HTR7: variants seen among roughly 807,000 people sequenced by gnomAD.
The protein encoded by HTR7 is 5-HT-7.
HTR7 carries 16 observed loss-of-function variants against 34.0 expected under a neutral mutation model. The observed-to-expected ratio is 0.47, with a 90% CI of 0.32 to 0.71. HTR7 has a LOEUF of 0.71. Among genes scored for constraint, HTR7 ranks in the 30% least tolerant of loss-of-function variants. The pLI is 0.04. For synonymous variants in HTR7, 265 were observed against 260.2 expected, an observed-to-expected ratio of 1.02 and a Z score of -0.18; for missense variants, 504 against 625.5, an observed-to-expected ratio of 0.81 and a Z score of 2.07.
At chr10:90,777,758 G>T (rs1287350627) in intron 1 of HTR7, among the ~76,000 whole-genome samples, 1 of 152,212 alleles carries the variant, frequency 6.6e-6, no homozygotes, top group Middle Eastern at 3.2e-3. Context: ...ACCAGCAGTT[G>T]TGAACAATGA....
chr10:90,776,178 G>T (rs1347735797), intron 1 of HTR7, among the ~76,000 whole-genome samples: 2 of 152,138 alleles, frequency 1.3e-5, no homozygotes, highest in East Asian at 1.9e-4. Context: ...AGACAATAGG[G>T]TCTACCTGCT....
At chr10:90,787,874 G>T (rs1320046852) in intron 1 of HTR7, among the ~76,000 whole-genome samples, 2 of 151,822 alleles carry the variant, frequency 1.3e-5, no homozygotes, top group Non-Finnish European at 2.9e-5. Context: ...CCTCTCTTAT[G>T]ACCTCTTCCG....
Position 90,749,016 on chromosome 10 carries a change from C to G in HTR7, c.1118G>C (p.Gly373Ala). Residue 373 changes from glycine (G) to alanine (A), a missense_variant, in exon 2 of 4, where the codon GGC becomes GCC. Gly to Ala is a moderately conservative substitution (Grantham distance 60). This residue lies in a region of HTR7 where 154 missense variants were observed against 212.1 expected (regional missense o/e 0.73). Coordinates refer to ENST00000336152, the MANE Select transcript of HTR7 (RefSeq NM_019859.4). This position sits in a 1 kb window ranked among gnomAD's most constrained non-coding sequence, Gnocchi z 4.2. The stretch of plus-strand genomic sequence containing the variant: ...AGGGTTAATGAGAGAGTTTGCATAG[C>G]CTAGCCACAGAAATGTCCTCTCCAC... ...LWVERTFLWL[G>A]YANSLINPFI... 6.2e-7 allele frequency: 1 copy of G among 1,614,030 alleles called. No individual in the cohort carries two copies. Among genetic ancestry groups the G allele is most frequent in the South Asian group, 1.1e-5 (1 of 91,058 alleles).
At chr10:90,748,786 G>T (rs1589434079) in intron 2 of HTR7, 53 bp downstream of exon 2, 6 of 1,526,460 alleles carry the variant, frequency 3.9e-6, no homozygotes, top group Non-Finnish European at 5.3e-6. Flanking sequence ...GCCTCAAAAA[G>T]CTGCATAAAA....
intron 1 of HTR7, among the ~76,000 whole-genome samples, chr10:90,854,268 C>T (rs1846546208): frequency 6.6e-6 from 1 of 152,164 alleles, no homozygotes; most frequent in Admixed American, 6.5e-5. Context: ...GCACGAGAAT[C>T]ACCTGAACCC....
chr10:90,797,651 G>A (rs1845561269), intron 1 of HTR7, among the ~76,000 whole-genome samples: 1 of 152,122 alleles, frequency 6.6e-6, no homozygotes, highest in South Asian at 2.1e-4. Context: ...TCCCCTTATG[G>A]ACTATGTGAT....
chr10:90,804,489 C>T (rs887449182), intron 1 of HTR7, among the ~76,000 whole-genome samples: 5 of 152,184 alleles, frequency 3.3e-5, no homozygotes, highest in Non-Finnish European at 5.9e-5. Flanking sequence ...TTCCTGCCAG[C>T]GCCTAAAGGC....
At chr10:90,802,605 A>C (rs1431114860) in intron 1 of HTR7, among the ~76,000 whole-genome samples, 1 of 152,258 alleles carries the variant, frequency 6.6e-6, no homozygotes, top group Non-Finnish European at 1.5e-5. Context: ...GGAAAGGTTA[A>C]ATTTTTAAAA....
At chr10:90,854,645 G>A (rs11186338) in intron 1 of HTR7, among the ~76,000 whole-genome samples, 29,582 of 152,126 alleles carry the variant, frequency 0.19, 3,216 homozygotes, top group African/African-American at 0.3. Context: ...TGAAAAAGAC[G>A]GGATGGGAGC....
chr10:90,813,249 A>G (rs553724650), intron 1 of HTR7, among the ~76,000 whole-genome samples: 7 of 152,138 alleles, frequency 4.6e-5, no homozygotes, highest in Non-Finnish European at 8.8e-5. Context: ...CTTCACACGG[A>G]CGCGCATGAA....
intron 2 of HTR7, among the ~76,000 whole-genome samples, chr10:90,747,712 C>T (rs1844662326): frequency 6.6e-6 from 1 of 152,164 alleles, no homozygotes; most frequent in Non-Finnish European, 1.5e-5. Flanking sequence ...AGGAAGGTCC[C>T]TCTCTGCTAG....
intron 1 of HTR7, among the ~76,000 whole-genome samples, chr10:90,792,743 T>C (rs752108609): frequency 1.3e-5 from 2 of 152,104 alleles, no homozygotes; most frequent in Non-Finnish European, 2.9e-5. Context: ...GCTTATCTAA[T>C]AAGGGTTCTG....
At chr10:90,799,684 A>T (rs76456599) in intron 1 of HTR7, among the ~76,000 whole-genome samples, 2,472 of 152,122 alleles carry the variant, frequency 0.016, 83 homozygotes, top group African/African-American at 0.055. Flanking sequence ...AATATTTCCA[A>T]ACTTGCTGGC....
At chr10:90,750,705 A>G (rs559711106) in intron 1 of HTR7, among the ~76,000 whole-genome samples, 1 of 152,346 alleles carries the variant, frequency 6.6e-6, no homozygotes, top group East Asian at 1.9e-4. Context: ...AGTAGGTTAG[A>G]ACTCAAAAAA....
At chr10:90,838,563 T>C (rs190196019) in intron 1 of HTR7, among the ~76,000 whole-genome samples, 7 of 152,344 alleles carry the variant, frequency 4.6e-5, no homozygotes, top group South Asian at 4.1e-4. Flanking sequence ...TTTCACCCTA[T>C]GTTTCAAAGT....
At chr10:90,809,120 C>T (rs949845621) in intron 1 of HTR7, among the ~76,000 whole-genome samples, 6 of 152,186 alleles carry the variant, frequency 3.9e-5, no homozygotes, top group South Asian at 2.1e-4. Flanking sequence ...CTCGCCAGGC[C>T]GAGCTAAGTC....
chr10:90,761,081 A>G (rs192664835), intron 1 of HTR7, among the ~76,000 whole-genome samples: 1 of 152,258 alleles, frequency 6.6e-6, no homozygotes, highest in African/African-American at 2.4e-5. Flanking sequence ...AAATTTTTTA[A>G]TCAATCAACT....
Position 90,844,726 on chromosome 10 carries a change from C to CAAAAAAA in HTR7, c.539+12400_539+12406dup, listed in dbSNP as rs71025328. Reference sequence around the variant, plus strand: ...TGGGCAACAGAATGAGACTCCGTCTCAAAAAAAAAAAAAAAAAAAAAAAAA... The same window carrying CAAAAAAA: ...TGGGCAACAGAATGAGACTCCGTCTCAAAAAAAAAAAAAAAAAAAAAAAAAAAAAAAA... On this transcript the variant is annotated intron_variant, in intron 1 of 3. Transcript: ENST00000336152. Among the ~76,000 whole-genome samples, 15 of 39,502 alleles carry CAAAAAAA rather than the reference C, an allele frequency of 3.8e-4. 1 individual carries two copies. The highest frequency in any genetic ancestry group is 5.0e-4 in the Non-Finnish European group (10 of 20,072). The allele number at this position is 39,502 out of a possible 152,430, so 25.9% of individuals were successfully genotyped here.
chr10:90,814,699 T>C (rs1223900010), intron 1 of HTR7, among the ~76,000 whole-genome samples: 4 of 152,180 alleles, frequency 2.6e-5, no homozygotes, highest in Admixed American at 6.5e-5. Context: ...TATTAAGAAA[T>C]TAAACGAATA....
Sources: gnomAD v4.1 joint callset for allele counts (sites outside exome capture counted in the v4.1 genomes callset) on GRCh38, gnomAD v4.1.1 for gene constraint, gnomAD v4.1.1 regional missense constraint, Gnocchi (gnomAD v3.1) non-coding constraint, MANE v1.5 for transcripts, NCBI Gene and HGNC (gene_info 2026-07-23, HGNC 2026-07-21) for gene names.